Variants in GRIA3 observed in about 807,000 individuals in gnomAD.
The protein encoded by GRIA3 is glutamate receptor 3.
GRIA3 carries 3 observed loss-of-function variants against 63.0 expected under a neutral mutation model. That is an observed-to-expected ratio of 0.05 (90% confidence interval 0.02 to 0.12). The LOEUF (loss-of-function observed/expected upper bound fraction) is 0.12, where lower values mean the gene tolerates loss of function less well. Among genes scored for constraint, GRIA3 ranks in the 10% least tolerant of loss-of-function variants. GRIA3 has a pLI of 1.00. For missense variants in GRIA3, 347 were observed against 700.9 expected (o/e 0.50, Z 5.70); for synonymous variants, 274 against 257.9 (o/e 1.06, Z -0.60).
rs1012040939 is a variant in GRIA3, at chrX:123,489,392, T to C, written c.*682T>C. On this transcript the variant is annotated 3_prime_UTR_variant, in exon 16 of 16. Coordinates refer to ENST00000620443, the MANE Select transcript of GRIA3 (RefSeq NM_007325.5). The stretch of plus-strand genomic sequence containing the variant: ...GGAAAAGGGACTAAACAGTGATTTC[T>C]CTGTGTTCTTGAAATGGTTTTGTGA... 31 of 112,737 alleles carry C rather than the reference T, an allele frequency of 2.7e-4. No homozygotes were observed. Among genetic ancestry groups the C allele is most frequent in the Non-Finnish European group, 1.5e-4 (8 of 53,321 alleles). The allele number at this position is 112,737 out of a possible 1,213,427, so 9.3% of individuals were successfully genotyped here.
chrX:123,317,441 C>A (rs2044839221), intron 3 of GRIA3, among the ~76,000 whole-genome samples: 1 of 112,109 alleles, frequency 8.9e-6, no homozygotes, highest in Admixed American at 9.4e-5. Flanking sequence ...ACCTATGAGC[C>A]TGTAAAATCA....
intron 5 of GRIA3, among the ~76,000 whole-genome samples, chrX:123,385,800 T>C (rs2045351230): frequency 8.9e-6 from 1 of 111,854 alleles, no homozygotes; most frequent in African/African-American, 3.3e-5. Context: ...TGGCTGTTGT[T>C]GGTTATATAT....
At chrX:123,317,292 G>A (rs1051493495) in intron 3 of GRIA3, among the ~76,000 whole-genome samples, 1 of 110,827 alleles carries the variant, frequency 9.0e-6, no homozygotes, top group African/African-American at 3.3e-5. Context: ...ATTCTGCCCT[G>A]GCCTCTCCAA....
At chrX:123,443,127 G>A (rs1471801994) in intron 12 of GRIA3, among the ~76,000 whole-genome samples, 1 of 111,846 alleles carries the variant, frequency 8.9e-6, no homozygotes, top group African/African-American at 3.3e-5. Context: ...CTTTGCCAAA[G>A]GTTTAGGGAG....
intron 13 of GRIA3, among the ~76,000 whole-genome samples, chrX:123,468,175 A>G (rs2045844254): frequency 9.0e-6 from 1 of 111,475 alleles, no homozygotes; most frequent in African/African-American, 3.3e-5. Context: ...TGGATTACCA[A>G]GAAGCTTGCC....
intron 10 of GRIA3, among the ~76,000 whole-genome samples, chrX:123,409,656 A>G (rs1033609708): frequency 1.5e-4 from 17 of 111,999 alleles, no homozygotes; most frequent in Non-Finnish European, 2.8e-4. Context: ...TCCAAATACC[A>G]TATGTTTTGA....
intron 5 of GRIA3, among the ~76,000 whole-genome samples, chrX:123,367,354 T>A (rs1280825793): frequency 8.9e-6 from 1 of 112,243 alleles, no homozygotes; most frequent in Non-Finnish European, 1.9e-5. Flanking sequence ...ACACAGAAAT[T>A]TCCTTTGAAG....
chrX:123,455,465 A>G (rs2045756234), intron 12 of GRIA3, among the ~76,000 whole-genome samples: 1 of 112,137 alleles, frequency 8.9e-6, no homozygotes, highest in Admixed American at 9.4e-5. Context: ...CTTTTTCCAA[A>G]TGCACCTTAT....
intron 3 of GRIA3, among the ~76,000 whole-genome samples, chrX:123,290,608 G>C (rs1603073017): frequency 9.9e-6 from 1 of 100,968 alleles, no homozygotes; most frequent in African/African-American, 3.9e-5. Flanking sequence ...GTGTGTGTGT[G>C]TGTGTGTGTG....
chrX:123,269,112 A>G (rs935433914), intron 3 of GRIA3, among the ~76,000 whole-genome samples: 5 of 112,020 alleles, frequency 4.5e-5, no homozygotes, highest in African/African-American at 1.6e-4. Context: ...AGGAGAATGC[A>G]GTCAGTTCTA....
intron 5 of GRIA3, among the ~76,000 whole-genome samples, chrX:123,365,199 A>T (rs1026959500): frequency 8.9e-6 from 1 of 112,121 alleles, no homozygotes; most frequent in African/African-American, 3.2e-5. Context: ...ATATCAAAAC[A>T]TCACATTGTA....
intron 12 of GRIA3, among the ~76,000 whole-genome samples, chrX:123,451,505 TAAAAAAAAAAAAAAAAAAAAAA>T (rs56991039): frequency 1.4e-3 from 23 of 16,193 alleles, no homozygotes; most frequent in African/African-American, 4.5e-3. Context: ...ACTCTGTCTC[TAAAAAAAAAAAAAAAAAAAAAA>T]AAAAAAAAAA....
At chrX:123,445,733 T>C (rs986179420) in intron 12 of GRIA3, among the ~76,000 whole-genome samples, 1 of 112,267 alleles carries the variant, frequency 8.9e-6, no homozygotes, top group African/African-American at 3.2e-5. Context: ...ATTGGAAACA[T>C]AATCTTCCCT....
chrX:123,310,898 G>A (rs1365791980), intron 3 of GRIA3, among the ~76,000 whole-genome samples: 1 of 110,311 alleles, frequency 9.1e-6, no homozygotes, highest in Non-Finnish European at 1.9e-5. Flanking sequence ...AGCTACTCAG[G>A]AGGCTGAGGC....
intron 4 of GRIA3, among the ~76,000 whole-genome samples, chrX:123,327,211 G>T (rs1259915666): frequency 9.0e-6 from 1 of 111,579 alleles, no homozygotes; most frequent in African/African-American, 3.3e-5. Context: ...TTTAAAAATA[G>T]AATTCAATGG....
At chrX:123,453,476 C>A (rs1400987180) in intron 12 of GRIA3, among the ~76,000 whole-genome samples, 1 of 110,940 alleles carries the variant, frequency 9.0e-6, no homozygotes, top group East Asian at 2.8e-4. Flanking sequence ...ACCAACATGG[C>A]ACATGTATAC....
chrX:123,254,792 TAAC>T (rs2044410161), intron 3 of GRIA3, among the ~76,000 whole-genome samples: 1 of 112,174 alleles, frequency 8.9e-6, no homozygotes, highest in Non-Finnish European at 1.9e-5. Flanking sequence ...CTAGCTCACT[TAAC>T]AAGTTGACCT....
At chrX:123,294,993 T>C (rs2044676652) in intron 3 of GRIA3, among the ~76,000 whole-genome samples, 2 of 112,053 alleles carry the variant, frequency 1.8e-5, no homozygotes, top group South Asian at 3.7e-4. Context: ...AATAATAGTC[T>C]ATTCAACTGG....
chrX:123,402,378 C>T (rs926958134), intron 7 of GRIA3, among the ~76,000 whole-genome samples: 2 of 80,082 alleles, frequency 2.5e-5, no homozygotes, highest in African/African-American at 9.5e-5. Flanking sequence ...CTAAACATTA[C>T]GTTTATATGT....
Sources: gnomAD v4.1 joint callset for allele counts (sites outside exome capture counted in the v4.1 genomes callset) on GRCh38, gnomAD v4.1.1 for gene constraint, MANE v1.5 for transcripts, NCBI Gene and HGNC (gene_info 2026-07-23, HGNC 2026-07-21) for gene names.